The following PBX1 variants were observed in gnomAD, a reference collection of about 807,000 sequenced individuals.
PBX1 encodes the protein PBX homeobox 1.
PBX1 carries 6 observed loss-of-function variants against 53.4 expected under a neutral mutation model. The observed-to-expected ratio is 0.11, with a 90% CI of 0.06 to 0.22. The LOEUF is 0.22. PBX1 is among the 10% of genes least tolerant of loss of function. The pLI, the probability that PBX1 is intolerant of heterozygous loss-of-function variation, is 1.00. For synonymous variants in PBX1, 204 were observed against 212.3 expected (o/e 0.96, Z 0.34); for missense variants, 251 against 551.4 (o/e 0.46, Z 5.46).
intron 8 of PBX1, among the ~76,000 whole-genome samples, chr1:164,835,701 A>G (rs1202433582): frequency 6.6e-6 from 1 of 152,166 alleles, no homozygotes; most frequent in Non-Finnish European, 1.5e-5. Context: ...AGCATTTAGT[A>G]AATAGAGGAA....
At position 164,776,977 on chromosome 1, in the gene PBX1, GA is replaced by G. The variant is rs1558001598; in HGVS notation, c.266-15516del. The stretch of plus-strand genomic sequence containing the variant: ...AGAGAGAGAGAGAGAGAGAGAGAGA[GA>G]GGAGGTGTGGGGGGGCGGGGGGCTG... On this transcript the variant is annotated intron_variant, in intron 2 of 8. Transcript: ENST00000420696. 1.8e-3 allele frequency among the ~76,000 whole-genome samples: 143 copies of G among 77,624 alleles called. 5 individuals are homozygous for G. The highest frequency in any genetic ancestry group is 0.012 in the African/African-American group (127 of 10,598). The allele number at this position is 77,624 out of a possible 152,430, so 50.9% of individuals were successfully genotyped here. A position where few individuals can be genotyped will look rare whatever the true frequency, so the allele number is the denominator to read the frequency against.
intron 2 of PBX1, among the ~76,000 whole-genome samples, chr1:164,709,079 C>T (rs1780343): frequency 0.23 from 34,613 of 152,030 alleles, 4,265 homozygotes; most frequent in East Asian, 0.46. Context: ...GAAGTAGTCA[C>T]GGTACTCATG....
Position 164,848,216 on chromosome 1 carries a change from T to C in PBX1, c.*1540T>C, listed in dbSNP as rs1671663849. 1 of 1,051,250 alleles carries C rather than the reference T, an allele frequency of 9.5e-7. No homozygotes were observed. Among genetic ancestry groups the C allele is most frequent in the African/African-American group, 1.7e-5 (1 of 60,310 alleles). 65.1% of individuals were successfully genotyped at this position (1,051,250 alleles called of 1,614,324 possible). A position where few individuals can be genotyped will look rare whatever the true frequency, so the allele number is the denominator to read the frequency against. ...CGTGTACTAAAAATACATGAGAAAA[T>C]AGCATGTATATGAAAGCTATTCTCA... is the stretch of plus-strand genomic sequence containing the variant. On this transcript the variant is annotated 3_prime_UTR_variant, in exon 9 of 9. Transcript: ENST00000420696.
At chr1:164,832,747 G>A (rs753467132) in intron 8 of PBX1, among the ~76,000 whole-genome samples, 3 of 152,076 alleles carry the variant, frequency 2.0e-5, no homozygotes, top group Non-Finnish European at 2.9e-5. Context: ...AGCACTGGAA[G>A]AATAAAATTG....
At chr1:164,670,784 C>T (rs954679389) in intron 2 of PBX1, among the ~76,000 whole-genome samples, 5 of 152,110 alleles carry the variant, frequency 3.3e-5, no homozygotes, top group African/African-American at 1.2e-4. Context: ...TAAACCAAGG[C>T]CTGGATGCCG....
intron 2 of PBX1, among the ~76,000 whole-genome samples, chr1:164,663,292 GCCTGCCTT>G (rs1660620432): frequency 6.7e-6 from 1 of 149,184 alleles, no homozygotes; most frequent in Admixed American, 6.7e-5. Context: ...CTTCCTACCT[GCCTGCCTT>G]CCTGCCTTCC....
At chr1:164,601,099 C>T (rs781738147) in intron 2 of PBX1, among the ~76,000 whole-genome samples, 4 of 151,672 alleles carry the variant, frequency 2.6e-5, no homozygotes, top group Admixed American at 6.6e-5. Context: ...ATTAGCCGGG[C>T]GTGGCGGTGG....
In PBX1 at chr1:164,559,785, A is replaced by G. The variant is rs1652891226; in HGVS notation, c.-38A>G. Reference sequence around the variant, plus strand: ...CTTCCCAGGAGCCGAGCCGAGGAGCAGAAGAGGAAGAGCCGGGGGCTGCCG... The same window carrying G: ...CTTCCCAGGAGCCGAGCCGAGGAGCGGAAGAGGAAGAGCCGGGGGCTGCCG... On this transcript the variant is annotated 5_prime_UTR_variant, in exon 1 of 9. Coordinates refer to ENST00000420696, the MANE Select transcript of PBX1 (RefSeq NM_002585.4). 2.7e-6 allele frequency: 4 copies of G among 1,499,236 alleles called. No individual in the cohort carries two copies. In the East Asian group the frequency reaches 1.1e-4, roughly 40 times the overall value. The allele number at this position is 1,499,236 out of a possible 1,614,324, so 92.9% of individuals were successfully genotyped here.
intron 2 of PBX1, among the ~76,000 whole-genome samples, chr1:164,580,245 T>C (rs1654517088): frequency 6.6e-6 from 1 of 152,220 alleles, no homozygotes; most frequent in African/African-American, 2.4e-5. Flanking sequence ...TGATTTTCAT[T>C]AGGCCTCTGC....
chr1:164,833,175 G>C (rs1434602806), intron 8 of PBX1, among the ~76,000 whole-genome samples: 2 of 151,210 alleles, frequency 1.3e-5, no homozygotes, highest in Non-Finnish European at 2.9e-5. Flanking sequence ...CAGGCATCAG[G>C]GCAATAACCC....
At chr1:164,870,266 CTTCT>C (rs1162744857) in intron 2 of PBX1, among the ~76,000 whole-genome samples, 4 of 45,206 alleles carry the variant, frequency 8.8e-5, no homozygotes, top group African/African-American at 1.4e-4. Flanking sequence ...TCCTTCCTTC[CTTCT>C]TTCTTTCTTT....
chr1:164,712,229 G>C (rs953573431), intron 2 of PBX1, among the ~76,000 whole-genome samples: 1 of 149,890 alleles, frequency 6.7e-6, no homozygotes, highest in African/African-American at 2.4e-5. Context: ...TCTGTCTGCT[G>C]TCTGCAGGCT....
chr1:164,570,095 A>G (rs577123103), intron 2 of PBX1, among the ~76,000 whole-genome samples: 8 of 152,338 alleles, frequency 5.3e-5, no homozygotes, highest in African/African-American at 9.6e-5. Flanking sequence ...ATCATAGTTA[A>G]AAACATTTCA....
chr1:164,801,424 A>C (rs745857551), intron 4 of PBX1, among the ~76,000 whole-genome samples: 5 of 146,112 alleles, frequency 3.4e-5, no homozygotes, highest in Non-Finnish European at 7.5e-5. Context: ...AAAATGCTGG[A>C]GTTGGTATTT....
At chr1:164,581,804 A>G (rs979285926) in intron 2 of PBX1, among the ~76,000 whole-genome samples, 3 of 152,158 alleles carry the variant, frequency 2.0e-5, no homozygotes, top group Non-Finnish European at 2.9e-5. Flanking sequence ...AAAATCATAA[A>G]TCTACTAATT....
At chr1:164,701,915 T>C (rs1315860736) in intron 2 of PBX1, among the ~76,000 whole-genome samples, 2 of 152,242 alleles carry the variant, frequency 1.3e-5, no homozygotes, top group Non-Finnish European at 2.9e-5. Flanking sequence ...TTTTGGTCTA[T>C]ATTAAAAACC....
intron 2 of PBX1, among the ~76,000 whole-genome samples, chr1:164,697,303 A>C (rs2102038290): frequency 6.6e-6 from 1 of 152,304 alleles, no homozygotes; most frequent in East Asian, 1.9e-4. Flanking sequence ...CTGAGCCTTT[A>C]ATAACTGAAA....
intron 2 of PBX1, among the ~76,000 whole-genome samples, chr1:164,599,519 C>T (rs1032923578): frequency 2.0e-5 from 3 of 152,008 alleles, no homozygotes; most frequent in Non-Finnish European, 4.4e-5. Context: ...TAGTTCAAAC[C>T]CATTGTTTTT....
chr1:164,884,228 T>C (rs1201988651), intron 2 of PBX1, among the ~76,000 whole-genome samples: 2 of 152,176 alleles, frequency 1.3e-5, no homozygotes, highest in African/African-American at 4.8e-5. Flanking sequence ...TAAAAAGAAA[T>C]TATAAACAGG....
Sources: gnomAD v4.1 joint callset for allele counts (sites outside exome capture counted in the v4.1 genomes callset) on GRCh38, gnomAD v4.1.1 for gene constraint, MANE v1.5 for transcripts, NCBI Gene and HGNC (gene_info 2026-07-23, HGNC 2026-07-21) for gene names.